Variants in EYA1 observed in about 807,000 individuals in gnomAD.
EYA1 encodes EYA transcriptional coactivator and phosphatase 1.
A neutral mutation model predicts 82.0 loss-of-function variants in EYA1; 16 were observed. The ratio of observed to expected loss-of-function variants is 0.20; its 90% CI spans 0.13 to 0.30. EYA1 has a LOEUF of 0.30. Among genes scored for constraint, EYA1 ranks in the 10% least tolerant of loss-of-function variants. The pLI, the probability that EYA1 is intolerant of heterozygous loss-of-function variation, is 1.00. For synonymous variants in EYA1, 261 were observed against 264.4 expected, an observed-to-expected ratio of 0.99 and a Z score of 0.12; for missense variants, 633 against 730.7, an observed-to-expected ratio of 0.87 and a Z score of 1.54.
chr8:71,273,015 A>G (rs1450168920), intron 9 of EYA1, among the ~76,000 whole-genome samples: 1 of 152,208 alleles, frequency 6.6e-6, no homozygotes, highest in Admixed American at 6.5e-5. Context: ...CCACGTGTCA[A>G]ACTGCATGGT....
intron 2 of EYA1, among the ~76,000 whole-genome samples, chr8:71,479,866 C>A (rs1296547343): frequency 6.6e-6 from 1 of 152,008 alleles, no homozygotes; most frequent in Non-Finnish European, 1.5e-5. Context: ...TGTGGGTGGA[C>A]AAAAATTATT....
intron 2 of EYA1, among the ~76,000 whole-genome samples, chr8:71,520,201 A>T (rs75450352): frequency 0.017 from 2,459 of 145,070 alleles, 51 homozygotes; most frequent in African/African-American, 0.058. Context: ...ACAGATACAA[A>T]CCCCCTCATT....
At chr8:71,278,891 C>A (rs1817503535) in intron 9 of EYA1, among the ~76,000 whole-genome samples, 1 of 152,184 alleles carries the variant, frequency 6.6e-6, no homozygotes, top group South Asian at 2.1e-4. Flanking sequence ...AGGCTCCTTT[C>A]TCCGTGCTTT....
At chr8:71,282,875 C>T (rs1051600832) in intron 9 of EYA1, among the ~76,000 whole-genome samples, 4 of 151,592 alleles carry the variant, frequency 2.6e-5, no homozygotes, top group Non-Finnish European at 5.9e-5. Flanking sequence ...TGTTAGATTT[C>T]TAACAGACAG....
At chr8:71,525,674 A>C (rs752252554) in intron 2 of EYA1, among the ~76,000 whole-genome samples, 1 of 152,158 alleles carries the variant, frequency 6.6e-6, no homozygotes, top group Non-Finnish European at 1.5e-5. Context: ...GTTCCAGTTA[A>C]TGATGTTTAA....
intron 17 of EYA1, among the ~76,000 whole-genome samples, chr8:71,202,790 A>G (rs186210802): frequency 6.6e-6 from 1 of 152,324 alleles, no homozygotes; most frequent in East Asian, 1.9e-4. Flanking sequence ...TAGCAGTTTC[A>G]TTCTCACAAA....
At chr8:71,340,836 T>C (rs912179674) in intron 3 of EYA1, among the ~76,000 whole-genome samples, 1 of 152,176 alleles carries the variant, frequency 6.6e-6, no homozygotes, top group Non-Finnish European at 1.5e-5. Flanking sequence ...ACGTTTGGCT[T>C]GCGTTGAAAT....
intron 9 of EYA1, among the ~76,000 whole-genome samples, chr8:71,292,888 T>C (rs79943362): frequency 0.062 from 9,391 of 151,742 alleles, 366 homozygotes; most frequent in African/African-American, 0.11. Flanking sequence ...CTTAGGAAAC[T>C]ATAAAAAGAA....
chr8:71,261,791 G>A (rs1438987110), intron 11 of EYA1, among the ~76,000 whole-genome samples: 1 of 152,178 alleles, frequency 6.6e-6, no homozygotes, highest in Non-Finnish European at 1.5e-5. Context: ...GGTGCTAAGG[G>A]AAAGGCTAAA....
At chr8:71,358,762 T>A (rs1672861896) in intron 1 of EYA1, among the ~76,000 whole-genome samples, 1 of 152,188 alleles carries the variant, frequency 6.6e-6, no homozygotes, top group South Asian at 2.1e-4. Flanking sequence ...GCTGTTGATT[T>A]CCTCTCATGT....
upstream of EYA1, chr8:71,362,206 A>C: frequency 7.7e-6 from 7 of 904,664 alleles, no homozygotes; most frequent in Non-Finnish European, 8.9e-6. Flanking sequence ...AACCACAGCT[A>C]TTCTCTTGTC....
At chr8:71,380,021 C>T (rs1004217895) in intron 2 of EYA1, among the ~76,000 whole-genome samples, 3 of 152,162 alleles carry the variant, frequency 2.0e-5, no homozygotes, top group African/African-American at 7.2e-5. Flanking sequence ...CAGCACCCGG[C>T]ACCTGCCGCT....
At chr8:71,405,694 TG>T (rs1343281210) in intron 2 of EYA1, among the ~76,000 whole-genome samples, 2 of 152,164 alleles carry the variant, frequency 1.3e-5, no homozygotes, top group African/African-American at 2.4e-5. Context: ...CCACCTTCCT[TG>T]GATATTAAGC....
chr8:71,274,317 G>A lies in EYA1; in HGVS notation c.827-2420C>T, dbSNP rs541063412. On this transcript the variant is annotated intron_variant, in intron 9 of 17. Transcript: ENST00000340726. ...TCAAAATCCCTTCCTTTTCTATGAG[G>A]TGGAATTAAATGCTTCTATTCTCTT... Among the ~76,000 whole-genome samples, 7 of 152,274 alleles carry A rather than the reference G, an allele frequency of 4.6e-5. No homozygotes were observed. The South Asian group carries it at 1.4e-3, about 32-fold the overall frequency.
rs1806471255 is a variant in EYA1, at chr8:71,198,102, A to G, written c.*1238T>C. ...GTGTGTCTTCCTTTATCGAAAGAAA[A>G]TGCAGACACGATAATTAATAATTCT... On this transcript the variant is annotated 3_prime_UTR_variant, in exon 18 of 18. Transcript: ENST00000340726. The G allele has an allele frequency of 6.6e-6, 1 of 152,358 alleles. No individual in the cohort carries two copies. Among genetic ancestry groups the G allele is most frequent in the Non-Finnish European group, 1.5e-5 (1 of 68,036 alleles). 9.4% of individuals were successfully genotyped at this position (152,358 alleles called of 1,614,324 possible).
intron 2 of EYA1, among the ~76,000 whole-genome samples, chr8:71,396,386 G>C (rs996753950): frequency 6.6e-6 from 1 of 152,062 alleles, no homozygotes; most frequent in African/African-American, 2.4e-5. Flanking sequence ...GTGATTTTAG[G>C]TTGTCAATTT....
At chr8:71,308,377 G>C (rs1205359339) in intron 7 of EYA1, among the ~76,000 whole-genome samples, 1 of 152,034 alleles carries the variant, frequency 6.6e-6, no homozygotes, top group Non-Finnish European at 1.5e-5. Context: ...AGTGTCCCAG[G>C]GACAGTGCAT....
intron 9 of EYA1, among the ~76,000 whole-genome samples, chr8:71,282,538 G>T (rs561769625): frequency 1.3e-5 from 2 of 152,126 alleles, no homozygotes; most frequent in Non-Finnish European, 2.9e-5. Flanking sequence ...TTTTGCCAGC[G>T]CCACACACAG....
intron 2 of EYA1, among the ~76,000 whole-genome samples, chr8:71,476,797 G>C (rs1475690509): frequency 2.0e-5 from 3 of 152,048 alleles, no homozygotes; most frequent in Non-Finnish European, 4.4e-5. Context: ...AACAAAGTTG[G>C]AAGACTCAGA....
Sources: allele counts gnomAD v4.1 joint callset (sites outside exome capture counted in the v4.1 genomes callset), GRCh38; gene constraint gnomAD v4.1.1; transcripts MANE v1.5; gene names NCBI Gene and HGNC (gene_info 2026-07-23, HGNC 2026-07-21).